Variants in STMN2 observed in about 807,000 individuals in gnomAD.
STMN2 encodes the protein stathmin 2, also known as stathmin-2.
A neutral mutation model predicts 24.1 loss-of-function variants in STMN2; 2 were observed. That is an observed-to-expected ratio of 0.08 (90% confidence interval 0.03 to 0.26). The LOEUF (loss-of-function observed/expected upper bound fraction) is 0.26. Ranked by LOEUF, STMN2 falls within the 10% of genes least tolerant of loss-of-function variation. The pLI, the probability that STMN2 is intolerant of heterozygous loss-of-function variation, is 1.00. For missense variants in STMN2, 114 were observed against 213.6 expected (o/e 0.53, Z 2.91); for synonymous variants, 83 against 77.5 (o/e 1.07, Z -0.37).
At chr8:79,637,881 C>T (rs1244813257) in intron 2 of STMN2, among the ~76,000 whole-genome samples, 2 of 152,126 alleles carry the variant, frequency 1.3e-5, no homozygotes, top group Non-Finnish European at 2.9e-5. Context: ...ACCTTTAAAG[C>T]CTATTCAAGG....
At chr8:79,662,991 T>C (rs903362111) in intron 4 of STMN2, among the ~76,000 whole-genome samples, 14 of 152,124 alleles carry the variant, frequency 9.2e-5, no homozygotes, top group Non-Finnish European at 1.5e-4. Context: ...TAATTTCCCC[T>C]GTGACATTTC....
At chr8:79,641,663 CA>C in intron 3 of STMN2, 113 bp downstream of exon 3, 1 of 809,376 alleles carries the variant, frequency 1.2e-6, no homozygotes, top group East Asian at 2.8e-5. Flanking sequence ...CACACACACA[CA>C]CACACACATA....
intron 3 of STMN2, among the ~76,000 whole-genome samples, chr8:79,653,148 C>A (rs35639627): frequency 6.6e-6 from 1 of 151,962 alleles, no homozygotes. Context: ...GAGGCCGAGG[C>A]GGGTGGATCA....
chr8:79,624,320 GGC>G (rs1809593426), intron 1 of STMN2, among the ~76,000 whole-genome samples: 1 of 151,938 alleles, frequency 6.6e-6, no homozygotes, highest in African/African-American at 2.4e-5. Flanking sequence ...CGGGTGTGGT[GGC>G]GGGTGCCTGT....
intron 2 of STMN2, 25 bp downstream of exon 2, chr8:79,636,922 C>T (rs1809976784): frequency 6.3e-7 from 1 of 1,594,958 alleles, no homozygotes; most frequent in Non-Finnish European, 8.6e-7. Context: ...ATAGACATAC[C>T]CCTGCTAGCT....
chr8:79,661,678 C>A (rs984010603), intron 4 of STMN2, among the ~76,000 whole-genome samples: 22 of 152,056 alleles, frequency 1.4e-4, no homozygotes, highest in African/African-American at 5.3e-4. Flanking sequence ...CTGTGATTAT[C>A]CCCATTTCAC....
At chr8:79,633,515 C>T (rs1193725979) in intron 1 of STMN2, among the ~76,000 whole-genome samples, 1 of 152,180 alleles carries the variant, frequency 6.6e-6, no homozygotes, top group African/African-American at 2.4e-5. Context: ...ATTTATTTTT[C>T]ACAGCTTTGG....
intron 4 of STMN2, among the ~76,000 whole-genome samples, chr8:79,656,462 G>T (rs1806369010): frequency 1.3e-5 from 2 of 152,170 alleles, no homozygotes; most frequent in South Asian, 4.1e-4. Flanking sequence ...ACAGAATTTG[G>T]CTCTCTCCAG....
chr8:79,615,574 G>T (rs752408784), intron 1 of STMN2, among the ~76,000 whole-genome samples: 1 of 152,178 alleles, frequency 6.6e-6, no homozygotes, highest in Non-Finnish European at 1.5e-5. Context: ...CTGTCCATTG[G>T]AAAACCTCGG....
intron 1 of STMN2, among the ~76,000 whole-genome samples, chr8:79,615,558 C>G (rs1271116271): frequency 6.6e-6 from 1 of 152,218 alleles, no homozygotes; most frequent in African/African-American, 2.4e-5. Flanking sequence ...AGAACCTAGA[C>G]TGGTTCTGTC....
intron 3 of STMN2, among the ~76,000 whole-genome samples, chr8:79,643,149 G>GTATATATATATATATATATATATA (rs201477262): frequency 1.4e-5 from 2 of 140,108 alleles, no homozygotes; most frequent in Non-Finnish European, 3.1e-5. Flanking sequence ...ATGTGTGTGT[G>GTATATATATATATATATATATATA]TATATATATA....
intron 1 of STMN2, chr8:79,613,525 G>T (rs1462627079): frequency 2.0e-6 from 2 of 985,368 alleles, no homozygotes; most frequent in African/African-American, 3.5e-5. Flanking sequence ...GGGCGATCTC[G>T]CCTCGCTTTC....
At position 79,611,882 on chromosome 8, in the gene STMN2, G is replaced by A. The variant is rs554827687; in HGVS notation, c.19+668G>A. 350 of 236,346 alleles carry A rather than the reference G, an allele frequency of 1.5e-3. 1 individual carries two copies. The highest frequency in any genetic ancestry group is 7.8e-3 in the African/African-American group (333 of 42,808). The allele number at this position is 236,346 out of a possible 1,614,324, so 14.6% of individuals were successfully genotyped here. Reference sequence around the variant, plus strand: ...AAGGAGAGAGGAAGTCGCGGAGGGCGTGGAGGGCGCGGGTGGGCAGCTGCA... The same window carrying A: ...AAGGAGAGAGGAAGTCGCGGAGGGCATGGAGGGCGCGGGTGGGCAGCTGCA... On this transcript the variant is annotated intron_variant, in intron 1 of 4. Transcript: ENST00000220876.
At chr8:79,624,373 G>A (rs1188991439) in intron 1 of STMN2, among the ~76,000 whole-genome samples, 1 of 146,000 alleles carries the variant, frequency 6.8e-6, no homozygotes, top group African/African-American at 2.5e-5. Flanking sequence ...AGAATGGCGT[G>A]AATCCGGGAG....
chr8:79,634,208 A>T (rs984345498), intron 1 of STMN2, among the ~76,000 whole-genome samples: 5 of 152,328 alleles, frequency 3.3e-5, no homozygotes, highest in African/African-American at 1.2e-4. Flanking sequence ...TAGTTCATGG[A>T]ATTAAATGTA....
chr8:79,657,582 C>T (rs1806404870), intron 4 of STMN2, among the ~76,000 whole-genome samples: 1 of 152,210 alleles, frequency 6.6e-6, no homozygotes, highest in Admixed American at 6.5e-5. Flanking sequence ...TCTCAGCAGT[C>T]TATCCCACGT....
intron 3 of STMN2, 141 bp downstream of exon 3, chr8:79,641,691 C>G: frequency 1.3e-6 from 1 of 769,420 alleles, no homozygotes; most frequent in Non-Finnish European, 2.0e-6. Context: ...GCAATGACAG[C>G]TGAACCTGTG....
At chr8:79,650,084 G>A (rs1047565646) in intron 3 of STMN2, among the ~76,000 whole-genome samples, 3 of 152,252 alleles carry the variant, frequency 2.0e-5, no homozygotes, top group Admixed American at 6.5e-5. Flanking sequence ...GGAACGTCAC[G>A]TTGAACATCT....
At chr8:79,618,330 A>C (rs888977771) in intron 1 of STMN2, among the ~76,000 whole-genome samples, 1 of 152,226 alleles carries the variant, frequency 6.6e-6, no homozygotes. Flanking sequence ...CTGCAGGCTC[A>C]GCACAGCATC....
Sources: gnomAD v4.1 joint callset for allele counts (sites outside exome capture counted in the v4.1 genomes callset) on GRCh38, gnomAD v4.1.1 for gene constraint, MANE v1.5 for transcripts, NCBI Gene and HGNC (gene_info 2026-07-23, HGNC 2026-07-21) for gene names.